USH2A: variants seen among roughly 807,000 people sequenced by gnomAD.
USH2A encodes Usher syndrome 2A (autosomal recessive, mild).
Under a neutral mutation model 538.9 loss-of-function variants are expected in USH2A, and 443 were observed. The ratio of observed to expected loss-of-function variants is 0.82; its 90% CI spans 0.76 to 0.89. The LOEUF (loss-of-function observed/expected upper bound fraction) is 0.89, where lower values mean the gene tolerates loss of function less well. USH2A is among the 40% of genes least tolerant of loss of function. The pLI is 0.00. For missense variants in USH2A, 6,633 were observed against 6,324.8 expected (o/e 1.05, Z -1.65); for synonymous variants, 2,413 against 2,273.5 (o/e 1.06, Z -1.75).
intron 51 of USH2A, 115 bp downstream of exon 51, chr1:215,789,944 A>G (rs1212202196): frequency 1.3e-5 from 13 of 964,588 alleles, no homozygotes; most frequent in Non-Finnish European, 1.9e-5. Flanking sequence ...GTAATGTGAA[A>G]ATGAATAATG....
chr1:216,278,877 T>C (rs1254065514), intron 11 of USH2A, among the ~76,000 whole-genome samples: 1 of 152,224 alleles, frequency 6.6e-6, no homozygotes, highest in Non-Finnish European at 1.5e-5. Context: ...TGGTACATTA[T>C]GCAGAGAAAG....
At position 216,147,084 on chromosome 1, in the gene USH2A, GTC is replaced by G. The variant is rs1162462645; in HGVS notation, c.4627+28166_4627+28167del. On this transcript the variant is annotated intron_variant, in intron 21 of 71. Coordinates refer to ENST00000307340, the MANE Select transcript of USH2A (RefSeq NM_206933.4). ...TCTTTTACACATCAGTCCCTTCCTA[GTC>G]TCTGTGACCAGTTAAACTCATCCCA... Among the ~76,000 whole-genome samples the G allele has an allele frequency of 6.6e-5, 10 of 152,178 alleles. No individual in the cohort carries two copies. In the East Asian group the frequency reaches 1.2e-3, roughly 18 times the overall value.
At chr1:215,933,855 C>T (rs1365742553) in intron 38 of USH2A, among the ~76,000 whole-genome samples, 1 of 151,956 alleles carries the variant, frequency 6.6e-6, no homozygotes, top group Non-Finnish European at 1.5e-5. Context: ...AATTGAGAGT[C>T]ATGCTCTTAA....
intron 32 of USH2A, among the ~76,000 whole-genome samples, chr1:216,028,182 G>T (rs1213400315): frequency 6.6e-6 from 1 of 152,124 alleles, no homozygotes; most frequent in South Asian, 2.1e-4. Flanking sequence ...GAGGTCAGGA[G>T]TTCGAGACCA....
chr1:216,176,442 GAGA>G (rs34341872), intron 20 of USH2A, among the ~76,000 whole-genome samples: 33,231 of 151,910 alleles, frequency 0.22, 4,313 homozygotes, highest in Non-Finnish European at 0.29. Context: ...TAGAAAAATT[GAGA>G]AGAAGGTACA....
At chr1:215,756,124 A>G (rs1275436882) in intron 58 of USH2A, among the ~76,000 whole-genome samples, 1 of 152,210 alleles carries the variant, frequency 6.6e-6, no homozygotes, top group Non-Finnish European at 1.5e-5. Context: ...TATATTTATC[A>G]TATAAATTAC....
intron 8 of USH2A, 150 bp downstream of exon 8, chr1:216,323,324 A>T: frequency 3.8e-6 from 2 of 526,694 alleles, no homozygotes; most frequent in Non-Finnish European, 6.8e-6. Context: ...TAGAGAAAAG[A>T]CTCACATACA....
At position 216,135,927 on chromosome 1, in the gene USH2A, T is replaced by C. The variant is rs896042126; in HGVS notation, c.4628-38714A>G. Among the ~76,000 whole-genome samples, 3 of 152,122 alleles carry C rather than the reference T, an allele frequency of 2.0e-5. 1 individual carries two copies. The Middle Eastern group carries it at 0.01, about 517-fold the overall frequency. ...CAAAGCTTCCATTAACGGTTAGCTT[T>C]AGTATATTCATTAAAAGTATATATA... On this transcript the variant is annotated intron_variant, in intron 21 of 71. Coordinates refer to ENST00000307340, the MANE Select transcript of USH2A (RefSeq NM_206933.4).
Position 215,650,661 on chromosome 1 carries a change from A to G in USH2A, c.14274T>C (p.Pro4758=), listed in dbSNP as rs778407716. 1 of 1,614,138 alleles carries G rather than the reference A, an allele frequency of 6.2e-7. No individual in the cohort carries two copies. The highest frequency in any genetic ancestry group is 1.1e-5 in the South Asian group (1 of 91,090). ...GACTGACGATCCCGTTGGGCTTCCCAGGGGCACTGATGTTGACCACTGCTT... is the reference window on the plus strand; with the variant it reads ...GACTGACGATCCCGTTGGGCTTCCCGGGGGCACTGATGTTGACCACTGCTT... ...STQAVVNISA[P]GKPNGIVSLY... is the part of the protein sequence containing the mutation. Residue 4758 remains proline, a synonymous_variant, in exon 65 of 72, where the codon CCT becomes CCC. Transcript: ENST00000307340.
At chr1:215,783,397 T>C (rs962410858) in intron 52 of USH2A, among the ~76,000 whole-genome samples, 2 of 152,202 alleles carry the variant, frequency 1.3e-5, no homozygotes, top group Non-Finnish European at 2.9e-5. Context: ...GTTGTTACAA[T>C]ATACAGGATT....
At position 216,084,839 on chromosome 1, in the gene USH2A, C is replaced by T. The variant is rs768619553; in HGVS notation, c.5026G>A (p.Val1676Ile). The change falls in exon 25 of 72, where the codon GTA becomes ATA. Residue 1676 changes from valine to isoleucine, a missense_variant. Physicochemically the swap from Val to Ile is conservative, Grantham distance 29 (BLOSUM62 3). Coordinates refer to ENST00000307340, the MANE Select transcript of USH2A (RefSeq NM_206933.4). ...QKGFVGCLKD[V>I]HFMKNYNPSA... ...GGATTGTAATTCTTCATAAAATGTACATCCTTGAGACAGCCCACAAAACCT... is the reference window on the plus strand; with the variant it reads ...GGATTGTAATTCTTCATAAAATGTATATCCTTGAGACAGCCCACAAAACCT... 1.2e-6 allele frequency: 2 copies of T among 1,613,318 alleles called. No homozygotes were observed. The highest frequency in any genetic ancestry group is 1.7e-6 in the Non-Finnish European group (2 of 1,179,622).
At chr1:216,298,795 T>C (rs141656573) in intron 9 of USH2A, among the ~76,000 whole-genome samples, 148 of 152,200 alleles carry the variant, frequency 9.7e-4, no homozygotes, top group African/African-American at 3.4e-3. Context: ...GCAACATATG[T>C]ATACATTCCA....
rs1461424254 is a variant in USH2A at position 216,247,038 on chromosome 1, C to T, written c.2356G>A (p.Gly786Arg). ...QCDTCRENFYGLDVTNCKACD... is the reference protein window; with the variant it reads ...QCDTCRENFYRLDVTNCKACD... ...GCCTTACAATTGGTGACATCTAACC[C>T]ATAAAAGTTTTCTCTGCAGGTGTCA... The change falls in exon 13 of 72, where the codon GGG (glycine) becomes AGG (arginine). Residue 786 changes from glycine (G) to arginine (R), a missense_variant. By Grantham distance (125) the Gly-to-Arg change is moderately radical. Transcript: ENST00000307340. The T allele has an allele frequency of 6.2e-7, 1 of 1,613,902 alleles. No individual in the cohort carries two copies. The highest frequency in any genetic ancestry group is 8.5e-7 in the Non-Finnish European group (1 of 1,179,968).
chr1:215,953,120 G>A (rs1666965472), intron 37 of USH2A, among the ~76,000 whole-genome samples: 1 of 152,084 alleles, frequency 6.6e-6, no homozygotes, highest in Non-Finnish European at 1.5e-5. Flanking sequence ...AATCAATATT[G>A]TGAAAATGGC....
intron 61 of USH2A, among the ~76,000 whole-genome samples, chr1:215,720,022 G>A (rs1476770727): frequency 2.6e-5 from 4 of 152,166 alleles, no homozygotes; most frequent in Non-Finnish European, 4.4e-5. Context: ...CTGTATTGGA[G>A]AATAATGAGT....
At chr1:216,306,841 C>T (rs1558377597) in intron 9 of USH2A, among the ~76,000 whole-genome samples, 1 of 152,206 alleles carries the variant, frequency 6.6e-6, no homozygotes, top group Non-Finnish European at 1.5e-5. Flanking sequence ...AGCCTCCAGA[C>T]TGGTAGTGGG....
chr1:216,152,677 G>A (rs898666139), intron 21 of USH2A, among the ~76,000 whole-genome samples: 8 of 152,092 alleles, frequency 5.3e-5, no homozygotes, highest in African/African-American at 1.4e-4. Context: ...CTCTTCACAC[G>A]GACACGCATG....
In USH2A at chr1:216,023,469, A is replaced by C. The variant is rs1364959861; in HGVS notation, c.6326-22907T>G. Among the ~76,000 whole-genome samples, 33 of 148,246 alleles carry C rather than the reference A, an allele frequency of 2.2e-4. 1 individual carries two copies. Among genetic ancestry groups the C allele is most frequent in the African/African-American group, 7.7e-4 (31 of 40,268 alleles). ...ACTGTTCAAAGCAGACAAAAAAAAA[A>C]AAAAAAAAAAAAATCAAAAAACAAA... On this transcript the variant is annotated intron_variant, in intron 32 of 71. Transcript: ENST00000307340.
intron 37 of USH2A, among the ~76,000 whole-genome samples, chr1:215,962,191 C>T (rs968411435): frequency 6.6e-6 from 1 of 152,010 alleles, no homozygotes; most frequent in African/African-American, 2.4e-5. Context: ...GGGAGACAGG[C>T]ACCCTCATAC....
Sources: gnomAD v4.1 joint callset for allele counts (sites outside exome capture counted in the v4.1 genomes callset) on GRCh38, gnomAD v4.1.1 for gene constraint, MANE v1.5 for transcripts, NCBI Gene and HGNC (gene_info 2026-07-23, HGNC 2026-07-21) for gene names.